ADGRG7: variants seen among roughly 807,000 people sequenced by gnomAD.
The protein encoded by ADGRG7 is adhesion G protein-coupled receptor G7.
ADGRG7 carries 82 observed loss-of-function variants against 88.6 expected under a neutral mutation model. The ratio of observed to expected loss-of-function variants is 0.93; its 90% CI spans 0.77 to 1.11. The LOEUF (loss-of-function observed/expected upper bound fraction) is 1.11. Ranked by LOEUF, ADGRG7 falls within the 50% of genes most tolerant of loss-of-function variation. The pLI, the probability that ADGRG7 is intolerant of heterozygous loss-of-function variation, is 0.00. For missense variants in ADGRG7, 945 were observed against 953.4 expected, an observed-to-expected ratio of 0.99 and a Z score of 0.12; for synonymous variants, 381 against 345.2, an observed-to-expected ratio of 1.10 and a Z score of -1.15.
At chr3:100,613,649 T>C (rs963579513) in intron 1 of ADGRG7, among the ~76,000 whole-genome samples, 1 of 152,196 alleles carries the variant, frequency 6.6e-6, no homozygotes, top group African/African-American at 2.4e-5. Context: ...GAATCAGTGA[T>C]GTTTAAAGTG....
chr3:100,685,684 T>C (rs1018345419), intron 15 of ADGRG7, among the ~76,000 whole-genome samples: 1 of 152,144 alleles, frequency 6.6e-6, no homozygotes, highest in African/African-American at 2.4e-5. Flanking sequence ...TTCATCCATG[T>C]CCCTACAAAG....
At chr3:100,615,616 A>C (rs148155262) in intron 1 of ADGRG7, among the ~76,000 whole-genome samples, 3 of 152,366 alleles carry the variant, frequency 2.0e-5, no homozygotes, top group African/African-American at 7.2e-5. Flanking sequence ...TAACTTTAAG[A>C]AATGACTCTT....
At chr3:100,679,630 T>C (rs1409255595) in intron 15 of ADGRG7, among the ~76,000 whole-genome samples, 1 of 152,214 alleles carries the variant, frequency 6.6e-6, no homozygotes, top group East Asian at 1.9e-4. Context: ...TCTTTATGAC[T>C]TACCTACTAT....
intron 15 of ADGRG7, among the ~76,000 whole-genome samples, chr3:100,691,748 C>T (rs10936314): frequency 0.32 from 39,626 of 124,570 alleles, 6,760 homozygotes; most frequent in East Asian, 0.56. Context: ...GCCTTATTAA[C>T]TATCAACTAA....
intron 13 of ADGRG7, among the ~76,000 whole-genome samples, chr3:100,659,344 G>T (rs1227004774): frequency 6.7e-6 from 1 of 149,500 alleles, no homozygotes; most frequent in Non-Finnish European, 1.5e-5. Context: ...GGAGGCTGAG[G>T]CAGGAGAATG....
rs761047246 is a variant in ADGRG7 at position 100,646,561 on chromosome 3, A to G, written c.1111-8A>G. The G allele has an allele frequency of 6.2e-7, 1 of 1,609,326 alleles. No individual in the cohort carries two copies. The highest frequency in any genetic ancestry group is 1.1e-5 in the South Asian group (1 of 90,564). On this transcript the variant is annotated splice_polypyrimidine_tract_variant and splice_region_variant and intron_variant, in intron 9 of 15. Transcript: ENST00000273352. ...AACAGTAATTGTAATTGTCTTATCA[A>G]TTCATAGTACAACCAAAAAGAATTT... is the stretch of plus-strand genomic sequence containing the variant.
intron 8 of ADGRG7, among the ~76,000 whole-genome samples, chr3:100,644,444 C>A (rs1707706097): frequency 6.6e-6 from 1 of 152,234 alleles, no homozygotes; most frequent in South Asian, 2.1e-4. Flanking sequence ...AAAAATACTT[C>A]ATGCATACAG....
intron 1 of ADGRG7, among the ~76,000 whole-genome samples, chr3:100,628,027 CT>C (rs912419324): frequency 6.6e-6 from 1 of 151,994 alleles, no homozygotes; most frequent in African/African-American, 2.4e-5. Context: ...CTTTGAGTTT[CT>C]TTTCTATATG....
intron 15 of ADGRG7, among the ~76,000 whole-genome samples, chr3:100,676,464 T>C (rs897026480): frequency 2.6e-5 from 4 of 152,274 alleles, no homozygotes; most frequent in African/African-American, 9.6e-5. Context: ...TCAGAGAAGA[T>C]ACTTGATATA....
Position 100,643,548 on chromosome 3 carries a change from T to G in ADGRG7, c.861T>G (p.Ser287=). 6.2e-7 allele frequency: 1 copy of G among 1,613,664 alleles called. No individual in the cohort carries two copies. The highest frequency in any genetic ancestry group is 2.2e-5 in the East Asian group (1 of 44,876). Residue 287 remains serine (S), a synonymous_variant, in exon 8 of 16, where the codon TCT becomes TCG. Coordinates refer to ENST00000273352, the MANE Select transcript of ADGRG7 (RefSeq NM_032787.3). ...TAGGAGCTAGCAGTTCTCTAGTTTCTAGTTCAACATTTATACATACAAATG... is the reference window on the plus strand; with the variant it reads ...TAGGAGCTAGCAGTTCTCTAGTTTCGAGTTCAACATTTATACATACAAATG... The part of the protein sequence containing the change: ...VQKGASSSLV[S]SSTFIHTNVD...
At chr3:100,675,483 G>C (rs1457856483) in intron 15 of ADGRG7, among the ~76,000 whole-genome samples, 3 of 152,120 alleles carry the variant, frequency 2.0e-5, no homozygotes, top group Non-Finnish European at 2.9e-5. Context: ...GTGTGTTGCT[G>C]AATTTGGTTT....
chr3:100,640,168 A>C (rs1707615005), intron 6 of ADGRG7, among the ~76,000 whole-genome samples: 1 of 152,196 alleles, frequency 6.6e-6, no homozygotes, highest in Non-Finnish European at 1.5e-5. Context: ...AACAGAGGTC[A>C]TCTCTCCACG....
In ADGRG7 at chr3:100,654,936, A is replaced by C. The variant is rs2094935417; in HGVS notation, c.1481A>C (p.Lys494Thr). 4 of 1,613,974 alleles carry C rather than the reference A, an allele frequency of 2.5e-6. 1 individual carries two copies. In the African/African-American group the frequency reaches 5.3e-5, roughly 22 times the overall value. Residue 494 changes from lysine to threonine, a missense_variant, in exon 12 of 16, where the codon AAG becomes ACG. Lys to Thr is a moderately conservative substitution (Grantham distance 78, BLOSUM62 -1). Coordinates refer to ENST00000273352, the MANE Select transcript of ADGRG7 (RefSeq NM_032787.3). ...LFVFGIENSNKNLQTSDGDIN... is the reference protein window; with the variant it reads ...LFVFGIENSNTNLQTSDGDIN... The stretch of plus-strand genomic sequence containing the variant: ...GTGTTTGGAATTGAAAACTCCAATA[A>C]GAACTTGCAGACAAGTGATGGTGAC...
chr3:100,638,662 C>T (rs1707587731), intron 6 of ADGRG7, among the ~76,000 whole-genome samples: 1 of 152,014 alleles, frequency 6.6e-6, no homozygotes, highest in Non-Finnish European at 1.5e-5. Context: ...TGGGATCCAC[C>T]CTTGTCTGCT....
chr3:100,633,525 A>G, intron 4 of ADGRG7, 148 bp downstream of exon 4: 1 of 415,766 alleles, frequency 2.4e-6, no homozygotes, highest in Non-Finnish European at 4.3e-6. Flanking sequence ...CACTCTTATT[A>G]TTTATTTATT....
intron 15 of ADGRG7, among the ~76,000 whole-genome samples, chr3:100,685,684 T>A (rs1018345419): frequency 1.1e-4 from 17 of 152,144 alleles, no homozygotes; most frequent in Admixed American, 9.2e-4. Flanking sequence ...TTCATCCATG[T>A]CCCTACAAAG....
rs113698666 is a variant in ADGRG7, at chr3:100,646,801, T to C, written c.1266+77T>C. On this transcript the variant is annotated intron_variant, in intron 10 of 15. Transcript: ENST00000273352. ...AATTCTAGTAGGTGCTCCTTGGAGATAACTTTGGGATTTAATTTACATAGA... is the reference window on the plus strand; with the variant it reads ...AATTCTAGTAGGTGCTCCTTGGAGACAACTTTGGGATTTAATTTACATAGA... The C allele has an allele frequency of 2.3e-5, 27 of 1,180,848 alleles. No individual in the cohort carries two copies. The African/African-American group carries it at 3.4e-4, about 15-fold the overall frequency. 73.1% of individuals were successfully genotyped at this position (1,180,848 alleles called of 1,614,324 possible).
At chr3:100,650,623 T>G (rs1405367119) in intron 11 of ADGRG7, among the ~76,000 whole-genome samples, 1 of 152,196 alleles carries the variant, frequency 6.6e-6, no homozygotes. Flanking sequence ...TTTTTTAGTG[T>G]GACACAACAA....
intron 1 of ADGRG7, among the ~76,000 whole-genome samples, chr3:100,618,897 T>C (rs1345258959): frequency 6.6e-6 from 1 of 152,066 alleles, no homozygotes; most frequent in Non-Finnish European, 1.5e-5. Context: ...TTTCACTGAG[T>C]AGTGGTTTGT....
Sources: gnomAD v4.1 joint callset for allele counts (sites outside exome capture counted in the v4.1 genomes callset) on GRCh38, gnomAD v4.1.1 for gene constraint, MANE v1.5 for transcripts, NCBI Gene and HGNC (gene_info 2026-07-23, HGNC 2026-07-21) for gene names.